The following LATS2 variants were observed in gnomAD, a reference collection of about 807,000 sequenced individuals.
LATS2 encodes the protein large tumor suppressor kinase 2, also known as serine/threonine-protein kinase LATS2.
LATS2 carries 24 observed loss-of-function variants against 76.0 expected under a neutral mutation model. That is an observed-to-expected ratio of 0.32 (90% CI 0.23 to 0.44). The LOEUF is 0.44. Among genes scored for constraint, LATS2 ranks in the 20% least tolerant of loss-of-function variants. The probability of loss-of-function intolerance (pLI) is 1.00; values close to 1 mark genes in which losing one functional copy is unlikely to be tolerated. For missense variants in LATS2, 1,286 were observed against 1,481.2 expected, an observed-to-expected ratio of 0.87 and a Z score of 2.16; for synonymous variants, 692 against 635.4, an observed-to-expected ratio of 1.09 and a Z score of -1.34.
chr13:20,983,813 A>T lies in LATS2; in HGVS notation c.1900-7T>A. 6.3e-7 allele frequency: 1 copy of T among 1,599,912 alleles called. No homozygotes were observed. Among genetic ancestry groups the T allele is most frequent in the South Asian group, 1.1e-5 (1 of 90,388 alleles). ...CAGCTTCACAGAGTCCAGCCTGTGTAGAAGGAAAAGGAAGGAGGAAGAATC... is the reference window on the plus strand; with the variant it reads ...CAGCTTCACAGAGTCCAGCCTGTGTTGAAGGAAAAGGAAGGAGGAAGAATC... On this transcript the variant is annotated splice_polypyrimidine_tract_variant and splice_region_variant and intron_variant, in intron 4 of 7. Transcript: ENST00000382592.
At chr13:20,979,977 C>T (rs756797795) in intron 6 of LATS2, among the ~76,000 whole-genome samples, 180 bp from the exon 7 acceptor site, 12 of 152,058 alleles carry the variant, frequency 7.9e-5, no homozygotes, top group African/African-American at 2.4e-4. Flanking sequence ...TGGTGGGGGG[C>T]GGTGGCCATG....
intron 2 of LATS2, among the ~76,000 whole-genome samples, chr13:21,003,248 TTTA>T (rs1302123355): frequency 6.6e-6 from 1 of 151,996 alleles, no homozygotes; most frequent in Non-Finnish European, 1.5e-5. Flanking sequence ...TATTTTTAAA[TTTA>T]TTATTATTAT....
intron 2 of LATS2, among the ~76,000 whole-genome samples, chr13:21,040,471 G>GAAGA (rs1317451418): frequency 6.6e-6 from 1 of 152,178 alleles, no homozygotes; most frequent in Non-Finnish European, 1.5e-5. Flanking sequence ...GAAGAACCAG[G>GAAGA]AAGAGCCTGT....
chr13:20,994,757 G>C (rs1417943160), intron 2 of LATS2, among the ~76,000 whole-genome samples: 1 of 151,648 alleles, frequency 6.6e-6, no homozygotes, highest in Non-Finnish European at 1.5e-5. Flanking sequence ...TGTTGATGGC[G>C]CATGCCTGTA....
chr13:20,975,515 G>A, intron 7 of LATS2, 151 bp from the exon 8 acceptor site: 3 of 803,772 alleles, frequency 3.7e-6, no homozygotes, highest in Non-Finnish European at 5.6e-6. Flanking sequence ...GATCTCAGCA[G>A]CCACAAAAAG....
Position 20,988,425 on chromosome 13 carries a change from G to T in LATS2, c.1355C>A (p.Pro452Gln). The T allele has an allele frequency of 6.8e-7, 1 of 1,466,296 alleles. No individual in the cohort carries two copies. The highest frequency in any genetic ancestry group is 9.0e-7 in the Non-Finnish European group (1 of 1,117,270). The allele number at this position is 1,466,296 out of a possible 1,614,324, so 90.8% of individuals were successfully genotyped here. A position where few individuals can be genotyped will look rare whatever the true frequency, so the allele number is the denominator to read the frequency against. ...HPVKSVRVLR[P>Q]EPQTAVGPSH... ...GGGCCCCACAGCCGTCTGCGGCTCC[G>T]GCCTCAGCACACGCACGCTCTTCAC... The change falls in exon 4 of 8, where the codon CCG (proline) becomes CAG (glutamine). Residue 452 changes from proline (P) to glutamine (Q), a missense_variant. Physicochemically the swap from Pro to Gln is moderately conservative, Grantham distance 76. Coordinates refer to ENST00000382592, the MANE Select transcript of LATS2 (RefSeq NM_014572.3).
chr13:21,032,257 G>GT (rs1872552457), intron 2 of LATS2, among the ~76,000 whole-genome samples: 1 of 149,854 alleles, frequency 6.7e-6, no homozygotes, highest in Admixed American at 6.7e-5. Context: ...CTGTTCTTAT[G>GT]GCTTACCACT....
intron 2 of LATS2, among the ~76,000 whole-genome samples, chr13:21,015,379 G>A (rs1396489200): frequency 2.0e-5 from 3 of 152,120 alleles, no homozygotes; most frequent in Non-Finnish European, 4.4e-5. Flanking sequence ...AGTGGGGACT[G>A]GACATCATAC....
chr13:21,019,744 C>T (rs1289429401), intron 2 of LATS2, among the ~76,000 whole-genome samples: 48 of 143,782 alleles, frequency 3.3e-4, no homozygotes, highest in Admixed American at 3.1e-3. Flanking sequence ...GAGGCCGAAG[C>T]GGGTGGATCA....
rs910388048 is a variant in LATS2, at chr13:20,991,853, G to T, written c.343-449C>A. Among the ~76,000 whole-genome samples, 6 of 152,206 alleles carry T rather than the reference G, an allele frequency of 3.9e-5. No individual in the cohort carries two copies. The highest frequency in any genetic ancestry group is 8.8e-5 in the Non-Finnish European group (6 of 68,046). ...GGAAACCTGTCCCCAGGGAGAGGGT[G>T]CAGCTGCCGAAGAGTCATATATTAC... On this transcript the variant is annotated intron_variant, in intron 2 of 7. Transcript: ENST00000382592. The surrounding 1 kb of genome is among the most constrained non-coding windows in gnomAD (Gnocchi z 4.9).
intron 2 of LATS2, among the ~76,000 whole-genome samples, chr13:21,037,828 G>C (rs1390661551): frequency 6.7e-6 from 1 of 148,646 alleles, no homozygotes. Flanking sequence ...ACCAGGGCGG[G>C]TAGGGCCAGG....
At chr13:21,028,659 C>T (rs1872406399) in intron 2 of LATS2, among the ~76,000 whole-genome samples, 2 of 152,194 alleles carry the variant, frequency 1.3e-5, no homozygotes, top group Non-Finnish European at 2.9e-5. Flanking sequence ...CAACCTCCGC[C>T]TCCCGGGTTC....
intron 1 of LATS2, among the ~76,000 whole-genome samples, chr13:21,057,542 C>T (rs984491905): frequency 3.3e-5 from 5 of 152,112 alleles, no homozygotes; most frequent in African/African-American, 9.7e-5. Context: ...ACAGGCCGGG[C>T]GCGGTGGCTC....
At chr13:20,980,308 G>A (rs187616034) in intron 6 of LATS2, among the ~76,000 whole-genome samples, 4 of 152,272 alleles carry the variant, frequency 2.6e-5, no homozygotes, top group Admixed American at 6.5e-5. Context: ...CTACGGAGCC[G>A]GGCCTTCCTC....
At chr13:21,039,404 T>G (rs1479027542) in intron 2 of LATS2, among the ~76,000 whole-genome samples, 1 of 152,256 alleles carries the variant, frequency 6.6e-6, no homozygotes, top group African/African-American at 2.4e-5. Context: ...AAGAATCCTG[T>G]GGCAGGATCT....
At chr13:21,044,499 T>C (rs1195780857) in intron 2 of LATS2, among the ~76,000 whole-genome samples, 1 of 152,204 alleles carries the variant, frequency 6.6e-6, no homozygotes, top group Non-Finnish European at 1.5e-5. Flanking sequence ...AGATGACAGA[T>C]TGTAATAAAA....
chr13:21,050,147 G>GATAGATACATACATACATACATAC (rs71200328), intron 1 of LATS2, among the ~76,000 whole-genome samples: 58 of 53,816 alleles, frequency 1.1e-3, no homozygotes, highest in Middle Eastern at 8.5e-3. Context: ...TAGATAGATA[G>GATAGATACATACATACATACATAC]ATACATACAT....
intron 2 of LATS2, among the ~76,000 whole-genome samples, chr13:21,044,920 G>A (rs765750558): frequency 1.3e-5 from 2 of 151,992 alleles, no homozygotes; most frequent in Non-Finnish European, 2.9e-5. Context: ...GAGATGGGGA[G>A]TCTCGCTATG....
At position 21,056,577 on chromosome 13, in the gene LATS2, C is replaced by T. The variant is rs533322097; in HGVS notation, c.-205+4769G>A. Among the ~76,000 whole-genome samples, 3 of 152,288 alleles carry T rather than the reference C, an allele frequency of 2.0e-5. No homozygotes were observed. In the South Asian group the frequency reaches 6.2e-4, roughly 32 times the overall value. On this transcript the variant is annotated intron_variant, in intron 1 of 7. Transcript: ENST00000382592. ...CAAGCGACCCAACAGGATGGGCCAT[C>T]TTATATTCAATTTCATAGCCCAGCA...
Sources: gnomAD v4.1 joint callset for allele counts (sites outside exome capture counted in the v4.1 genomes callset) on GRCh38, gnomAD v4.1.1 for gene constraint, Gnocchi (gnomAD v3.1) non-coding constraint, MANE v1.5 for transcripts, NCBI Gene and HGNC (gene_info 2026-07-23, HGNC 2026-07-21) for gene names.